EMILIN3: variants seen among roughly 807,000 people sequenced by gnomAD.
EMILIN3 encodes EMILIN-3.
Under a neutral mutation model 42.8 loss-of-function variants are expected in EMILIN3, and 38 were observed. The ratio of observed to expected loss-of-function variants is 0.89; its 90% CI spans 0.69 to 1.16. The LOEUF is 1.16. EMILIN3 is among the 50% of genes most tolerant of loss of function. EMILIN3 has a pLI of 0.00. For missense variants in EMILIN3, 924 were observed against 999.5 expected, an observed-to-expected ratio of 0.92 and a Z score of 1.02; for synonymous variants, 430 against 440.5, an observed-to-expected ratio of 0.98 and a Z score of 0.30.
At position 41,360,917 on chromosome 20, in the gene EMILIN3, G is replaced by C. The variant is rs1221874322; in HGVS notation, c.*351C>G. Reference sequence around the variant, plus strand: ...TCTCAAGGCCTTACATACGGACACTGATCAAGGCCAGTTTGCCACAGCAGC... The same window carrying C: ...TCTCAAGGCCTTACATACGGACACTCATCAAGGCCAGTTTGCCACAGCAGC... On this transcript the variant is annotated 3_prime_UTR_variant, in exon 4 of 4. Transcript: ENST00000332312. 1.4e-5 allele frequency: 5 copies of C among 351,728 alleles called. No homozygotes were observed. Among genetic ancestry groups the C allele is most frequent in the Admixed American group, 8.2e-5 (2 of 24,452 alleles). 21.8% of individuals were successfully genotyped at this position (351,728 alleles called of 1,614,324 possible).
In EMILIN3 at chr20:41,365,055, G is replaced by C; in HGVS notation, c.270C>G (p.Pro90=). ...KAEYRQCRWG[P]KCPGTVTYRT... is the part of the protein sequence containing the mutation. ...CTTACGTGACTGTCCCGGGGCACTT[G>C]GGCCCCCATCTACACTGCCGGTATT... is the stretch of plus-strand genomic sequence containing the variant. The change falls in exon 2 of 4, where the codon CCC becomes CCG. Residue 90 remains proline, a synonymous_variant. Coordinates refer to ENST00000332312, the MANE Select transcript of EMILIN3 (RefSeq NM_052846.2). 6.2e-7 allele frequency: 1 copy of C among 1,613,574 alleles called. No homozygotes were observed. Among genetic ancestry groups the C allele is most frequent in the Admixed American group, 1.7e-5 (1 of 60,006 alleles).
rs1364062630 is a variant in EMILIN3, at chr20:41,366,666, C to G, written c.-32G>C. On this transcript the variant is annotated 5_prime_UTR_variant, in exon 1 of 4. Coordinates refer to ENST00000332312, the MANE Select transcript of EMILIN3 (RefSeq NM_052846.2). This position sits in a 1 kb window ranked among gnomAD's most constrained non-coding sequence, Gnocchi z 4.2. ...CCCCGCGCCTCTGCCCGGCCCCGCG[C>G]GGTGCCCCCCGCCGGGTGTCCGCCT... is the stretch of plus-strand genomic sequence containing the variant. The G allele has an allele frequency of 1.0e-6, 1 of 993,714 alleles. No homozygotes were observed. The highest frequency in any genetic ancestry group is 1.2e-6 in the Non-Finnish European group (1 of 837,070). 61.6% of individuals were successfully genotyped at this position (993,714 alleles called of 1,614,324 possible).
Position 41,366,522 on chromosome 20 carries a change from C to T in EMILIN3, c.113G>A (p.Arg38His), listed in dbSNP as rs1383151283. 1 of 1,157,988 alleles carries T rather than the reference C, an allele frequency of 8.6e-7. No individual in the cohort carries two copies. The highest frequency in any genetic ancestry group is 3.6e-4 in the Middle Eastern group (1 of 2,788). 71.7% of individuals were successfully genotyped at this position (1,157,988 alleles called of 1,614,324 possible). ...LARPAPPGAS[R>H]YSLYTTGWRP... ...CCATCCCGTCGTGTAGAGACTGTAG[C>T]GGGAGGCACCGGGCGGCGCAGGCCG... The change falls in exon 1 of 4, where the codon CGC becomes CAC. Residue 38 changes from arginine (R) to histidine (H), a missense_variant. Arg to His is a conservative substitution (Grantham distance 29). Transcript: ENST00000332312. This position sits in a 1 kb window ranked among gnomAD's most constrained non-coding sequence, Gnocchi z 4.2.
Position 41,361,399 on chromosome 20 carries a change from G to A in EMILIN3, c.2170C>T (p.Leu724=). ...PTEPLRPREG[L]WSHVDQLNRT... is the part of the protein sequence containing the mutation. ...TTCAGCTGGTCCACATGGCTCCACA[G>A]GCCCTCTCTGGGCCTCAGTGGCTCA... The change falls in exon 4 of 4, where the codon CTG becomes TTG. Residue 724 remains leucine, a synonymous_variant. Coordinates refer to ENST00000332312, the MANE Select transcript of EMILIN3 (RefSeq NM_052846.2). 6.2e-7 allele frequency: 1 copy of A among 1,612,730 alleles called. No individual in the cohort carries two copies. Among genetic ancestry groups the A allele is most frequent in the African/African-American group, 1.3e-5 (1 of 75,054 alleles).
chr20:41,365,153 G>C lies in EMILIN3; in HGVS notation c.172C>G (p.Leu58Val), dbSNP rs762058208. 5.0e-6 allele frequency: 8 copies of C among 1,613,660 alleles called. No homozygotes were observed. In the East Asian group the frequency reaches 1.6e-4, roughly 31 times the overall value. ...PRLRPGPHKA[L>V]CAYVVHRNVT... is the part of the protein sequence containing the mutation. Reference sequence around the variant, plus strand: ...TTCCTGTGCACCACATAGGCACAGAGGGCCCTACAGGAGAAAATGGCACCC... The same window carrying C: ...TTCCTGTGCACCACATAGGCACAGACGGCCCTACAGGAGAAAATGGCACCC... The change falls in exon 2 of 4, where the codon CTC becomes GTC. Residue 58 changes from leucine (L) to valine (V), a missense_variant. By Grantham distance (32) the Leu-to-Val change is conservative. Coordinates refer to ENST00000332312, the MANE Select transcript of EMILIN3 (RefSeq NM_052846.2).
chr20:41,366,424 G>C lies in EMILIN3; in HGVS notation c.167+44C>G. 9.1e-7 allele frequency: 1 copy of C among 1,098,804 alleles called. No individual in the cohort carries two copies. Among genetic ancestry groups the C allele is most frequent in the Non-Finnish European group, 1.1e-6 (1 of 902,806 alleles). 68.1% of individuals were successfully genotyped at this position (1,098,804 alleles called of 1,614,324 possible). ...GCAGGTGGGAGCGGCGACGCGCGCG[G>C]GCCCATCCCTCCCTCTTCCCGCCCG... On this transcript the variant is annotated intron_variant, in intron 1 of 3. Transcript: ENST00000332312. This position sits in a 1 kb window ranked among gnomAD's most constrained non-coding sequence, Gnocchi z 4.2.
chr20:41,364,119 G>A (rs1005527465), intron 2 of EMILIN3, among the ~76,000 whole-genome samples: 1 of 152,160 alleles, frequency 6.6e-6, no homozygotes, highest in Non-Finnish European at 1.5e-5. Context: ...GAGAGAAGCA[G>A]GAATTTTGCC....
rs766348606 is a variant in EMILIN3, at chr20:41,363,829, A to G, written c.323T>C (p.Val108Ala). ...GAGGTCTGTCACTGTCTTGTAGCCA[A>G]CCTTGTATTTGGGTCTGAGTACTGT... ...YRTVLRPKYK[V>A]GYKTVTDLAW... Residue 108 changes from valine (V) to alanine (A), a missense_variant, in exon 3 of 4, where the codon GTT becomes GCT. Coordinates refer to ENST00000332312, the MANE Select transcript of EMILIN3 (RefSeq NM_052846.2). The G allele has an allele frequency of 5.9e-5, 95 of 1,613,926 alleles. 2 individuals carry two copies. The highest frequency in any genetic ancestry group is 2.4e-4 in the South Asian group (22 of 91,084).
Position 41,361,940 on chromosome 20 carries a change from C to T in EMILIN3, c.1629G>A (p.Arg543=), listed in dbSNP as rs151073469. 4,417 of 1,612,778 alleles carry T rather than the reference C, an allele frequency of 2.7e-3. 15 individuals carry two copies. Among genetic ancestry groups the T allele is most frequent in the Middle Eastern group, 3.3e-3 (20 of 6,062 alleles). ...CCACCTGGCGTAGGAGGGCCTCGCT[C>T]CGGCTCTGCCAGGCCTTCACCTCTG... is the stretch of plus-strand genomic sequence containing the variant. ...LVAEVKAWQS[R]SEALLRQVAS... is the part of the protein sequence containing the mutation. Residue 543 remains arginine (R), a synonymous_variant, in exon 4 of 4, where the codon CGG becomes CGA. Transcript: ENST00000332312.
At chr20:41,365,220 C>A in intron 1 of EMILIN3, 63 bp from the exon 2 acceptor site, 3 of 1,590,976 alleles carry the variant, frequency 1.9e-6, no homozygotes, top group Non-Finnish European at 2.6e-6. Flanking sequence ...GGCGCCTACC[C>A]TCCCACCTCC....
chr20:41,365,515 T>C (rs1195063096), intron 1 of EMILIN3, among the ~76,000 whole-genome samples: 1 of 152,178 alleles, frequency 6.6e-6, no homozygotes, highest in Non-Finnish European at 1.5e-5. Context: ...CATTTAAGGC[T>C]TCCGAGTCCC....
chr20:41,361,211 C>T lies in EMILIN3; in HGVS notation c.*57G>A. 6.7e-7 allele frequency: 1 copy of T among 1,490,570 alleles called. No homozygotes were observed. Among genetic ancestry groups the T allele is most frequent in the Non-Finnish European group, 9.0e-7 (1 of 1,106,662 alleles). The allele number at this position is 1,490,570 out of a possible 1,614,324, so 92.3% of individuals were successfully genotyped here. ...AGGCGCTGCTGGATAAGGCTGGGCT[C>T]TGGGGTGATGTTCCCCGAGTTGGTG... On this transcript the variant is annotated 3_prime_UTR_variant, in exon 4 of 4. Coordinates refer to ENST00000332312, the MANE Select transcript of EMILIN3 (RefSeq NM_052846.2).
Position 41,362,690 on chromosome 20 carries a change from C to A in EMILIN3, c.879G>T (p.Pro293=). Residue 293 remains proline (P), a synonymous_variant, in exon 4 of 4, where the codon CCG becomes CCT. Coordinates refer to ENST00000332312, the MANE Select transcript of EMILIN3 (RefSeq NM_052846.2). The part of the protein sequence containing the change: ...LQRLREAPPS[P]LTSLALLEEY... The stretch of plus-strand genomic sequence containing the variant: ...CCTCCAGCAGGGCCAGGGAGGTGAG[C>A]GGGGATGGTGGGGCTTCCCGCAGCC... The A allele has an allele frequency of 6.2e-7, 1 of 1,613,030 alleles. No homozygotes were observed. Among genetic ancestry groups the A allele is most frequent in the Non-Finnish European group, 8.5e-7 (1 of 1,179,944 alleles).
At position 41,365,034 on chromosome 20, in the gene EMILIN3, C is replaced by T. The variant is rs747381168; in HGVS notation, c.290+1G>A. The T allele has an allele frequency of 2.4e-5, 39 of 1,613,586 alleles. No homozygotes were observed. Among genetic ancestry groups the T allele is most frequent in the African/African-American group, 6.7e-5 (5 of 74,918 alleles). The stretch of plus-strand genomic sequence containing the variant: ...AGTGTGTAGGTGAGGAGTGCACTTA[C>T]GTGACTGTCCCGGGGCACTTGGGCC... On this transcript the variant is annotated splice_donor_variant, in intron 2 of 3. Transcript: ENST00000332312. LOFTEE classifies it high-confidence loss of function.
rs759347200 is a variant in EMILIN3 at position 41,362,524 on chromosome 20, G to C, written c.1045C>G (p.Arg349Gly). 1.9e-6 allele frequency: 3 copies of C among 1,598,998 alleles called. No homozygotes were observed. Among genetic ancestry groups the C allele is most frequent in the East Asian group, 2.2e-5 (1 of 44,834 alleles). Residue 349 changes from arginine (R) to glycine (G), a missense_variant, in exon 4 of 4, where the codon CGG becomes GGG. Physicochemically the swap from Arg to Gly is moderately radical, Grantham distance 125 (BLOSUM62 -2). Transcript: ENST00000332312. Reference sequence around the variant, plus strand: ...CCATCAAGGCTCTGGTGCAGCCTCCGGCTGGCGGCCTGACCCTCCTCACAT... The same window carrying C: ...CCATCAAGGCTCTGGTGCAGCCTCCCGCTGGCGGCCTGACCCTCCTCACAT... ...RQCEEGQAAS[R>G]RLHQSLDGRE... is the part of the protein sequence containing the mutation.
At position 41,363,770 on chromosome 20, in the gene EMILIN3, G is replaced by A. The variant is rs751404791; in HGVS notation, c.382C>T (p.Arg128Cys). The A allele has an allele frequency of 5.0e-6, 8 of 1,614,026 alleles. No individual in the cohort carries two copies. The highest frequency in any genetic ancestry group is 2.7e-5 in the African/African-American group (2 of 74,930). Residue 128 changes from arginine (R) to cysteine (C), a missense_variant, in exon 3 of 4, where the codon CGC (arginine) becomes TGC (cysteine). Physicochemically the swap from Arg to Cys is radical, Grantham distance 180 (BLOSUM62 -3). Coordinates refer to ENST00000332312, the MANE Select transcript of EMILIN3 (RefSeq NM_052846.2). ...WRCCPGFTGKRCPEHLTDHGA... is the reference protein window; with the variant it reads ...WRCCPGFTGKCCPEHLTDHGA... ...TGGTCCGTGAGGTGCTCAGGGCAGC[G>A]TTTCCCAGTGAAGCCGGGACAGCAA...
In EMILIN3 at chr20:41,361,991, G is replaced by A. The variant is rs766626679; in HGVS notation, c.1578C>T (p.Thr526=). 1 of 1,611,760 alleles carries A rather than the reference G, an allele frequency of 6.2e-7. No individual in the cohort carries two copies. The highest frequency in any genetic ancestry group is 2.2e-5 in the East Asian group (1 of 44,798). Residue 526 remains threonine, a synonymous_variant, in exon 4 of 4, where the codon ACC becomes ACT. Transcript: ENST00000332312. ...SLETSCTPST[T]SAILDSLVAE... is the part of the protein sequence containing the mutation. ...CCACGAGGCTGTCCAGGATGGCTGA[G>A]GTGGTGCTCGGGGTGCACGAAGTCT...
rs984896228 is a variant in EMILIN3 at position 41,366,068 on chromosome 20, G to C, written c.167+400C>G. ...GCGCAGCTCTATCTCCTACCTGGCC[G>C]GGCCAGGGGAGAGAAGGGAGGCCCG... On this transcript the variant is annotated intron_variant, in intron 1 of 3. Coordinates refer to ENST00000332312, the MANE Select transcript of EMILIN3 (RefSeq NM_052846.2). The surrounding 1 kb of genome is among the most constrained non-coding windows in gnomAD (Gnocchi z 4.2). Among the ~76,000 whole-genome samples the C allele has an allele frequency of 8.5e-5, 13 of 152,156 alleles. No homozygotes were observed. The highest frequency in any genetic ancestry group is 1.8e-4 in the Non-Finnish European group (12 of 68,010).
At position 41,366,658 on chromosome 20, in the gene EMILIN3, G is replaced by A; in HGVS notation, c.-24C>T. 7 of 1,003,550 alleles carry A rather than the reference G, an allele frequency of 7.0e-6. No homozygotes were observed. The highest frequency in any genetic ancestry group is 8.3e-6 in the Non-Finnish European group (7 of 843,710). The allele number at this position is 1,003,550 out of a possible 1,614,324, so 62.2% of individuals were successfully genotyped here. ...ATAGCGGCCCCCGCGCCTCTGCCCG[G>A]CCCCGCGCGGTGCCCCCCGCCGGGT... On this transcript the variant is annotated 5_prime_UTR_variant, in exon 1 of 4. Transcript: ENST00000332312. The surrounding 1 kb of genome is among the most constrained non-coding windows in gnomAD (Gnocchi z 4.2).
Sources: allele counts gnomAD v4.1 joint callset (sites outside exome capture counted in the v4.1 genomes callset), GRCh38; gene constraint gnomAD v4.1.1; non-coding constraint Gnocchi (gnomAD v3.1); transcripts MANE v1.5; gene names NCBI Gene and HGNC (gene_info 2026-07-23, HGNC 2026-07-21).